The following SLC41A2 variants were observed in gnomAD, a reference collection of about 807,000 sequenced individuals.
The protein encoded by SLC41A2 is SLC41A1-like 1.
In SLC41A2, 32 loss-of-function variants were observed where a neutral mutation model predicts 58.3. The observed-to-expected ratio is 0.55, with a 90% confidence interval of 0.41 to 0.74. SLC41A2 has a LOEUF of 0.74. Ranked by LOEUF, SLC41A2 falls within the 30% of genes least tolerant of loss-of-function variation. SLC41A2 has a pLI of 0.00. For synonymous variants in SLC41A2, 190 were observed against 235.0 expected (o/e 0.81, Z 1.75); for missense variants, 514 against 680.6 (o/e 0.76, Z 2.72).
chr12:104,834,739 T>C (rs1263821542), intron 10 of SLC41A2, among the ~76,000 whole-genome samples: 1 of 151,480 alleles, frequency 6.6e-6, no homozygotes, highest in Non-Finnish European at 1.5e-5. Flanking sequence ...GTGTCAAGTA[T>C]TTAAATATTA....
At chr12:104,853,911 A>ATTTTTTTTTTTTTTTTTTTT (rs1555202443) in intron 8 of SLC41A2, among the ~76,000 whole-genome samples, 1 of 59,496 alleles carries the variant, frequency 1.7e-5, no homozygotes, top group African/African-American at 6.9e-5. Context: ...TGCCTGGCTG[A>ATTTTTTTTTTTTTTTTTTTT]TTTTTTTTTT....
intron 1 of SLC41A2, among the ~76,000 whole-genome samples, chr12:104,952,750 T>C (rs1297042295): frequency 2.0e-5 from 3 of 152,214 alleles, no homozygotes; most frequent in African/African-American, 7.2e-5. Context: ...AATCTACTAG[T>C]AGGTGCCTGC....
intron 1 of SLC41A2, among the ~76,000 whole-genome samples, chr12:104,951,780 T>C (rs2047967616): frequency 6.7e-6 from 1 of 150,322 alleles, no homozygotes; most frequent in South Asian, 2.2e-4. Flanking sequence ...GCAAAAGTAA[T>C]TGCAGTTTTT....
chr12:104,866,331 A>T (rs368746071), intron 7 of SLC41A2, 101 bp downstream of exon 7: 1 of 1,286,682 alleles, frequency 7.8e-7, no homozygotes. Flanking sequence ...ATTTATTTTA[A>T]TATGCATGTA....
chr12:104,817,731 A>G (rs967611440), intron 10 of SLC41A2, among the ~76,000 whole-genome samples: 17 of 151,746 alleles, frequency 1.1e-4, no homozygotes, highest in Admixed American at 4.0e-4. Flanking sequence ...AGACTTCTAT[A>G]TGATTGGCAA....
chr12:104,906,852 A>AT (rs1418770723), intron 3 of SLC41A2, among the ~76,000 whole-genome samples: 1 of 152,080 alleles, frequency 6.6e-6, no homozygotes. Context: ...ACCTGGATTG[A>AT]TTTTTCCTCA....
At chr12:104,934,295 G>A (rs7960890) in intron 1 of SLC41A2, among the ~76,000 whole-genome samples, 14,760 of 152,160 alleles carry the variant, frequency 0.097, 1,139 homozygotes, top group East Asian at 0.26. Flanking sequence ...AATAAGTTAT[G>A]CTAATCTAAT....
At chr12:104,853,926 T>TTATTTTTA (rs2042916495) in intron 8 of SLC41A2, among the ~76,000 whole-genome samples, 1 of 118,850 alleles carries the variant, frequency 8.4e-6, no homozygotes, top group African/African-American at 3.1e-5. Context: ...TTTTTTTTTT[T>TTATTTTTA]TTTTTTTTTT....
chr12:104,859,402 T>C (rs1217289848), intron 8 of SLC41A2, among the ~76,000 whole-genome samples: 1 of 152,334 alleles, frequency 6.6e-6, no homozygotes, highest in South Asian at 2.1e-4. Context: ...GAATGATGGC[T>C]ATATTGAGAC....
chr12:104,917,263 AACC>A (rs1425183904), intron 2 of SLC41A2, among the ~76,000 whole-genome samples: 2 of 151,010 alleles, frequency 1.3e-5, no homozygotes, highest in African/African-American at 4.8e-5. Context: ...TGCAAATCAA[AACC>A]ACAATGAGAT....
intron 3 of SLC41A2, among the ~76,000 whole-genome samples, chr12:104,906,679 A>G (rs773620274): frequency 6.6e-6 from 1 of 152,202 alleles, no homozygotes; most frequent in Non-Finnish European, 1.5e-5. Flanking sequence ...ATAGGTCTCC[A>G]TTTGTATTGC....
chr12:104,885,082 A>G (rs142398425), intron 6 of SLC41A2, among the ~76,000 whole-genome samples: 121 of 152,226 alleles, frequency 7.9e-4, no homozygotes, highest in Non-Finnish European at 1.6e-3. Context: ...GTTGTCCTTA[A>G]TATACTTAAA....
chr12:104,869,882 G>A (rs2043673120), intron 6 of SLC41A2, among the ~76,000 whole-genome samples: 3 of 152,144 alleles, frequency 2.0e-5, no homozygotes, highest in African/African-American at 7.2e-5. Flanking sequence ...TCAATTAAAG[G>A]CCAACTATGA....
intron 10 of SLC41A2, among the ~76,000 whole-genome samples, chr12:104,813,982 A>AT (rs1438547141): frequency 6.6e-6 from 1 of 152,230 alleles, no homozygotes; most frequent in African/African-American, 2.4e-5. Flanking sequence ...GGACTAGAAT[A>AT]GAAAGTAGCA....
intron 8 of SLC41A2, among the ~76,000 whole-genome samples, chr12:104,850,438 A>C (rs559340240): frequency 6.6e-6 from 1 of 152,354 alleles, no homozygotes; most frequent in East Asian, 1.9e-4. Flanking sequence ...AAAGATATTT[A>C]GGTCAATATT....
intron 10 of SLC41A2, among the ~76,000 whole-genome samples, chr12:104,826,840 C>G (rs141172041): frequency 6.6e-6 from 1 of 152,156 alleles, no homozygotes; most frequent in Non-Finnish European, 1.5e-5. Context: ...ACCTGATGGA[C>G]GCTGAGAAGC....
intron 8 of SLC41A2, among the ~76,000 whole-genome samples, chr12:104,857,287 A>T (rs2043052291): frequency 1.3e-5 from 2 of 152,196 alleles, no homozygotes; most frequent in East Asian, 3.9e-4. Flanking sequence ...AGAAATCCCA[A>T]CACCTAGCTA....
intron 6 of SLC41A2, among the ~76,000 whole-genome samples, chr12:104,867,818 C>T (rs1245439993): frequency 6.6e-6 from 1 of 150,736 alleles, no homozygotes; most frequent in Non-Finnish European, 1.5e-5. Context: ...AACCCTTACC[C>T]CAACTCTTAT....
In SLC41A2 at chr12:104,937,522, C is replaced by A. The variant is rs868422614; in HGVS notation, c.-167-8828G>T. On this transcript the variant is annotated intron_variant, in intron 1 of 10. Coordinates refer to ENST00000258538, the MANE Select transcript of SLC41A2 (RefSeq NM_001352171.3). ...GGAGCGATAGGCCATACCACACAGCCTTGGCGTGTGGTAGGCTCTACCATC... is the reference window on the plus strand; with the variant it reads ...GGAGCGATAGGCCATACCACACAGCATTGGCGTGTGGTAGGCTCTACCATC... Among the ~76,000 whole-genome samples the A allele has an allele frequency of 5.3e-5, 8 of 152,300 alleles. No homozygotes were observed. The South Asian group carries it at 1.7e-3, about 32-fold the overall frequency.
Sources: gnomAD v4.1 joint callset for allele counts (sites outside exome capture counted in the v4.1 genomes callset) on GRCh38, gnomAD v4.1.1 for gene constraint, MANE v1.5 for transcripts, NCBI Gene and HGNC (gene_info 2026-07-23, HGNC 2026-07-21) for gene names.